The following DUOX2 variants were observed in gnomAD, a reference collection of about 807,000 sequenced individuals.
DUOX2 encodes the protein NADH/NADPH thyroid oxidase p138-tox.
DUOX2 carries 185 observed loss-of-function variants against 183.3 expected under a neutral mutation model. That is an observed-to-expected ratio of 1.01 (90% confidence interval 0.90 to 1.14). DUOX2 has a LOEUF of 1.14. DUOX2 is among the 50% of genes most tolerant of loss of function. DUOX2 has a pLI of 0.00. For synonymous variants in DUOX2, 788 were observed against 812.4 expected, an observed-to-expected ratio of 0.97 and a Z score of 0.51; for missense variants, 1,999 against 2,022.9, an observed-to-expected ratio of 0.99 and a Z score of 0.23.
At chr15:45,111,651 C>T (rs1345391403) in intron 5 of DUOX2, 66 bp from the exon 6 acceptor site, 64 of 1,450,214 alleles carry the variant, frequency 4.4e-5, no homozygotes, top group Non-Finnish European at 5.4e-5. Context: ...GGCCGGGGCC[C>T]GGCGGGTGTC....
Position 45,113,405 on chromosome 15 carries a change from G to A in DUOX2, c.7C>T (p.Arg3Cys). The change falls in exon 2 of 34, where the codon CGT (arginine) becomes TGT (cysteine). Residue 3 changes from arginine (R) to cysteine (C), a missense_variant. Arg to Cys is a radical substitution (Grantham distance 180). Transcript: ENST00000389039. ...AGCATCAGTGCCTCTGGTCTTGCACGGAGCATGCCAACCCTGCAGCCTGCG... is the reference window on the plus strand; with the variant it reads ...AGCATCAGTGCCTCTGGTCTTGCACAGAGCATGCCAACCCTGCAGCCTGCG... ML[R>C]ARPEALMLLG... 2 of 1,562,914 alleles carry A rather than the reference G, an allele frequency of 1.3e-6. No individual in the cohort carries two copies. Among genetic ancestry groups the A allele is most frequent in the African/African-American group, 1.4e-5 (1 of 73,742 alleles).
rs754765692 is a variant in DUOX2, at chr15:45,097,278, C to A, written c.3807G>T (p.Lys1269Asn). ...CCGCCTTCACCACGCTGATCTCCAC[C>A]TTCTTCCGGCTCAGGCTCACCAGCT... ...GDKLVSLSRK[K>N]VEISVVKAEL... Residue 1269 changes from lysine (K) to asparagine (N), a missense_variant, in exon 29 of 34, where the codon AAG becomes AAT. Physicochemically the swap from Lys to Asn is moderately conservative, Grantham distance 94. Transcript: ENST00000389039. The A allele has an allele frequency of 3.1e-6, 5 of 1,614,142 alleles. No individual in the cohort carries two copies.
At chr15:45,097,873 G>A in intron 27 of DUOX2, 132 bp from the exon 28 acceptor site, 2 of 1,555,998 alleles carry the variant, frequency 1.3e-6, no homozygotes, top group Non-Finnish European at 1.8e-6. Context: ...AGCCTGCCTG[G>A]AGGGATTTGA....
rs772470625 is a variant in DUOX2 at position 45,094,913 on chromosome 15, C to T, written c.4395+23G>A. The T allele has an allele frequency of 8.7e-6, 14 of 1,613,114 alleles. No individual in the cohort carries two copies. In the South Asian group the frequency reaches 1.2e-4, roughly 14 times the overall value. On this transcript the variant is annotated intron_variant, in intron 32 of 33. Transcript: ENST00000389039. ...CAATCCATCTGCCCGCCAAGTTGCC[C>T]TGCCTGGCGGGCCCTGACATACTAG...
chr15:45,113,533 G>A (rs34500972), intron 1 of DUOX2, 108 bp from the exon 2 acceptor site: 1 of 871,334 alleles, frequency 1.1e-6, no homozygotes, highest in Non-Finnish European at 1.8e-6. Flanking sequence ...AGGAGCACCA[G>A]CTGTTTCCAC....
At chr15:45,113,285 C>A in intron 2 of DUOX2, 57 bp downstream of exon 2, 1 of 1,541,252 alleles carries the variant, frequency 6.5e-7, no homozygotes, top group African/African-American at 1.4e-5. Flanking sequence ...CCTCTCCCCG[C>A]CCCACCTCCC....
chr15:45,097,242 G>A lies in DUOX2; in HGVS notation c.3843C>T (p.Pro1281=), dbSNP rs368173549. The change falls in exon 29 of 34, where the codon CCC becomes CCT. Residue 1281 remains proline, a synonymous_variant. Transcript: ENST00000389039. ...AGGTCAGGCTGGGCCTGATACCTGAGGGCAGCAGCTCCGCCTTCACCACGC... is the reference window on the plus strand; with the variant it reads ...AGGTCAGGCTGGGCCTGATACCTGAAGGCAGCAGCTCCGCCTTCACCACGC... The part of the protein sequence containing the change: ...EISVVKAELL[P]SGVTYLQFQR... 2 of 1,614,210 alleles carry A rather than the reference G, an allele frequency of 1.2e-6. No homozygotes were observed.
rs140663764 is a variant in DUOX2 at position 45,097,326 on chromosome 15, C to A, written c.3759G>T (p.Pro1253=). The part of the protein sequence containing the change: ...LPTFHIYFLV[P]AIIYGGDKLV... The stretch of plus-strand genomic sequence containing the variant: ...GCTTGTCACCTCCATAGATGATTGC[C>A]GGGACCAGGAAGTAGATGTGGAAAG... Residue 1253 remains proline, a synonymous_variant, in exon 29 of 34, where the codon CCG becomes CCT. Coordinates refer to ENST00000389039, the MANE Select transcript of DUOX2 (RefSeq NM_001363711.2). The A allele has an allele frequency of 6.2e-7, 1 of 1,614,244 alleles. No homozygotes were observed. The highest frequency in any genetic ancestry group is 2.2e-5 in the East Asian group (1 of 44,890).
rs771688123 is a variant in DUOX2, at chr15:45,112,580, T to A, written c.299A>T (p.Asn100Ile). 1 of 1,612,964 alleles carries A rather than the reference T, an allele frequency of 6.2e-7. No homozygotes were observed. Among genetic ancestry groups the A allele is most frequent in the South Asian group, 1.1e-5 (1 of 91,064 alleles). The change falls in exon 4 of 34, where the codon AAC becomes ATC. Residue 100 changes from asparagine to isoleucine, a missense_variant. Transcript: ENST00000389039. ...AAAGAAGACCCCCAGTACGGTGCGG[T>A]TGTGGAGCGACGGCAGGCCGGCTAT... The part of the protein sequence containing the change: ...RGIAGLPSLH[N>I]RTVLGVFFGY...
intron 12 of DUOX2, 181 bp from the exon 13 acceptor site, chr15:45,108,403 AC>A: frequency 1.4e-6 from 1 of 721,888 alleles, no homozygotes; most frequent in Non-Finnish European, 2.3e-6. Flanking sequence ...GTGTGTCCCT[AC>A]CCACGGTAAC....
At chr15:45,100,930 C>T (rs1894065590) in intron 22 of DUOX2, 92 bp from the exon 23 acceptor site, 1 of 869,330 alleles carries the variant, frequency 1.2e-6, no homozygotes. Context: ...TAGGGAGTGG[C>T]TCCTGGTACC....
Position 45,104,127 on chromosome 15 carries a change from C to T in DUOX2, c.2560+13G>A. 3 of 1,614,170 alleles carry T rather than the reference C, an allele frequency of 1.9e-6. No individual in the cohort carries two copies. The South Asian group carries it at 3.3e-5, about 18-fold the overall frequency. On this transcript the variant is annotated intron_variant, in intron 19 of 33. Coordinates refer to ENST00000389039, the MANE Select transcript of DUOX2 (RefSeq NM_001363711.2). Reference sequence around the variant, plus strand: ...TGGATTCTTGGATAGCCTGCCACCTCCCAGCCCCCTACCTTTCATGAAGAC... The same window carrying T: ...TGGATTCTTGGATAGCCTGCCACCTTCCAGCCCCCTACCTTTCATGAAGAC...
chr15:45,094,386 T>TGAG (rs1893844886), intron 33 of DUOX2, 114 bp from the exon 34 acceptor site: 2 of 1,569,180 alleles, frequency 1.3e-6, no homozygotes, highest in African/African-American at 2.7e-5. Flanking sequence ...GCCCAGGCCT[T>TGAG]GAGGAGGAGG....
At chr15:45,105,230 T>C (rs1208429335) in intron 18 of DUOX2, among the ~76,000 whole-genome samples, 1 of 152,226 alleles carries the variant, frequency 6.6e-6, no homozygotes, top group East Asian at 1.9e-4. Context: ...TCTGGGGAGC[T>C]TGTTAAAACA....
chr15:45,098,160 G>T, intron 26 of DUOX2, 102 bp from the exon 27 acceptor site: 1 of 1,157,242 alleles, frequency 8.6e-7, no homozygotes, highest in South Asian at 1.3e-5. Context: ...GACTGCTGAG[G>T]GTATGGGGCC....
intron 11 of DUOX2, 144 bp downstream of exon 11, chr15:45,109,380 A>T: frequency 5.7e-6 from 4 of 707,676 alleles, no homozygotes; most frequent in South Asian, 5.0e-5. Flanking sequence ...TTCAAAGTTC[A>T]TTTTCTTCTT....
In DUOX2 at chr15:45,110,426, A is replaced by C; in HGVS notation, c.1040+2T>G. The C allele has an allele frequency of 1.1e-5, 18 of 1,612,676 alleles. No individual in the cohort carries two copies. Among genetic ancestry groups the C allele is most frequent in the Non-Finnish European group, 1.5e-5 (18 of 1,179,146 alleles). ...GCCCCTCTCTGCCAACCCCTCCCTCACCTCATGTAGACACCAGGGGGCACC... is the reference window on the plus strand; with the variant it reads ...GCCCCTCTCTGCCAACCCCTCCCTCCCCTCATGTAGACACCAGGGGGCACC... On this transcript the variant is annotated splice_donor_variant, in intron 9 of 33. Coordinates refer to ENST00000389039, the MANE Select transcript of DUOX2 (RefSeq NM_001363711.2). LOFTEE classifies it high-confidence loss of function.
chr15:45,103,051 G>C (rs1186624076), intron 20 of DUOX2, among the ~76,000 whole-genome samples: 1 of 152,176 alleles, frequency 6.6e-6, no homozygotes, highest in Non-Finnish European at 1.5e-5. Context: ...CCCTCTCCTA[G>C]ATTCCCTTGA....
chr15:45,107,555 C>A, intron 13 of DUOX2, 92 bp from the exon 14 acceptor site: 1 of 1,367,036 alleles, frequency 7.3e-7, no homozygotes, highest in East Asian at 2.3e-5. Context: ...GAAAAGAGAC[C>A]CAGAGGGGCT....
Sources: gnomAD v4.1 joint callset for allele counts (sites outside exome capture counted in the v4.1 genomes callset) on GRCh38, gnomAD v4.1.1 for gene constraint, MANE v1.5 for transcripts, NCBI Gene and HGNC (gene_info 2026-07-23, HGNC 2026-07-21) for gene names.